Variants in CAMKK1 observed in about 807,000 individuals in gnomAD.
CAMKK1 encodes calcium/calmodulin-dependent protein kinase kinase 1.
CAMKK1 carries 20 observed loss-of-function variants against 63.5 expected under a neutral mutation model. The observed-to-expected ratio is 0.32, with a 90% CI of 0.22 to 0.46. The LOEUF (loss-of-function observed/expected upper bound fraction) is 0.46. Among genes scored for constraint, CAMKK1 ranks in the 20% least tolerant of loss-of-function variants. The probability of loss-of-function intolerance (pLI) is 1.00; values close to 1 mark genes in which losing one functional copy is unlikely to be tolerated. For synonymous variants in CAMKK1, 253 were observed against 269.0 expected, an observed-to-expected ratio of 0.94 and a Z score of 0.58; for missense variants, 588 against 658.1, an observed-to-expected ratio of 0.89 and a Z score of 1.17.
chr17:3,873,648 C>T (rs913903647), intron 10 of CAMKK1, among the ~76,000 whole-genome samples, 186 bp from the exon 11 acceptor site: 5 of 152,142 alleles, frequency 3.3e-5, no homozygotes, highest in Non-Finnish European at 7.4e-5. Flanking sequence ...ACAGGGGCGG[C>T]CAGAACAAGG....
chr17:3,871,354 T>G (rs1231728994), intron 12 of CAMKK1, among the ~76,000 whole-genome samples: 1,733 of 98,320 alleles, frequency 0.018, 20 homozygotes, highest in African/African-American at 0.062. Context: ...TTTGTTTTTT[T>G]TTTTTTTTTT....
chr17:3,882,456 T>G lies in CAMKK1; in HGVS notation c.685+72A>C. The stretch of plus-strand genomic sequence containing the variant: ...TGCATTTACACCGCCCACCTGAAGG[T>G]CATACATGTCCCAAGGGAGCCCTTG... On this transcript the variant is annotated intron_variant, in intron 7 of 15. Transcript: ENST00000348335. The surrounding 1 kb of genome is among the most constrained non-coding windows in gnomAD (Gnocchi z 4.3). 6.3e-7 allele frequency: 1 copy of G among 1,588,000 alleles called. No homozygotes were observed. Among genetic ancestry groups the G allele is most frequent in the Non-Finnish European group, 8.6e-7 (1 of 1,158,140 alleles).
chr17:3,880,608 T>C (rs774796201), intron 8 of CAMKK1, among the ~76,000 whole-genome samples, 174 bp from the exon 9 acceptor site: 9 of 152,246 alleles, frequency 5.9e-5, no homozygotes, highest in Non-Finnish European at 1.3e-4. Context: ...ACATATCCCA[T>C]TTCAATCATA....
chr17:3,884,521 G>C lies in CAMKK1; in HGVS notation c.361-94C>G. On this transcript the variant is annotated intron_variant, in intron 2 of 15. Coordinates refer to ENST00000348335, the MANE Select transcript of CAMKK1 (RefSeq NM_032294.3). The surrounding 1 kb of genome is among the most constrained non-coding windows in gnomAD (Gnocchi z 4.5). ...GTTCAGGGTCCAATTCTGGCCATAA[G>C]CTCCTCATTCCCGGACCCCCAGGTC... The C allele has an allele frequency of 8.2e-7, 1 of 1,212,556 alleles. No individual in the cohort carries two copies. The highest frequency in any genetic ancestry group is 1.4e-5 in the South Asian group (1 of 72,228). The allele number at this position is 1,212,556 out of a possible 1,614,324, so 75.1% of individuals were successfully genotyped here.
In CAMKK1 at chr17:3,890,398, C is replaced by A. The variant is rs1000433931; in HGVS notation, c.-44+2541G>T. ...GCCCACCCACGGAGGCTGATGGTCTCCAGGCCTCATCCTCTGCCCCTCCTC... is the reference window on the plus strand; with the variant it reads ...GCCCACCCACGGAGGCTGATGGTCTACAGGCCTCATCCTCTGCCCCTCCTC... On this transcript the variant is annotated intron_variant, in intron 1 of 15. Coordinates refer to ENST00000348335, the MANE Select transcript of CAMKK1 (RefSeq NM_032294.3). This position sits in a 1 kb window ranked among gnomAD's most constrained non-coding sequence, Gnocchi z 6.5. Among the ~76,000 whole-genome samples the A allele has an allele frequency of 3.9e-5, 6 of 152,158 alleles. No individual in the cohort carries two copies. The highest frequency in any genetic ancestry group is 4.1e-4 in the South Asian group (2 of 4,832).
chr17:3,869,464 A>G, intron 14 of CAMKK1, 23 bp downstream of exon 14: 1 of 1,613,876 alleles, frequency 6.2e-7, no homozygotes. Context: ...AGGACAAGGG[A>G]GCATCTACCC....
rs947221010 is a variant in CAMKK1 at position 3,889,015 on chromosome 17, G to A, written c.-43-3285C>T. On this transcript the variant is annotated intron_variant, in intron 1 of 15. Transcript: ENST00000348335. The surrounding 1 kb of genome is among the most constrained non-coding windows in gnomAD (Gnocchi z 5.2). ...TGTGTGTGCGCAGGTGTGTTTATGC[G>A]CCTGTGTGCCTGCAGGTCTCCGTGT... is the stretch of plus-strand genomic sequence containing the variant. Among the ~76,000 whole-genome samples the A allele has an allele frequency of 1.3e-5, 2 of 152,062 alleles. No homozygotes were observed. Among genetic ancestry groups the A allele is most frequent in the African/African-American group, 2.4e-5 (1 of 41,412 alleles).
intron 10 of CAMKK1, 81 bp from the exon 11 acceptor site, chr17:3,873,543 G>GCCTCT: frequency 6.7e-6 from 9 of 1,336,994 alleles, no homozygotes; most frequent in African/African-American, 1.4e-5. Context: ...TGCAGGAGAG[G>GCCTCT]CCTGCAGGGA....
chr17:3,886,074 G>A (rs1403446425), intron 1 of CAMKK1, among the ~76,000 whole-genome samples: 1 of 152,198 alleles, frequency 6.6e-6, no homozygotes, highest in Admixed American at 6.5e-5. Flanking sequence ...CAGAGCCCAG[G>A]GTCAGCTCAG....
At chr17:3,864,037 C>CCACCTCCCAGACTCAAGCA in intron 15 of CAMKK1, among the ~76,000 whole-genome samples, 1 of 151,944 alleles carries the variant, frequency 6.6e-6, no homozygotes, top group Non-Finnish European at 1.5e-5. Context: ...ACTGCAACCT[C>CCACCTCCCAGACTCAAGCA]CACCTCCCAG....
At position 3,889,888 on chromosome 17, in the gene CAMKK1, C is replaced by G. The variant is rs2055822495; in HGVS notation, c.-44+3051G>C. On this transcript the variant is annotated intron_variant, in intron 1 of 15. Coordinates refer to ENST00000348335, the MANE Select transcript of CAMKK1 (RefSeq NM_032294.3). This position sits in a 1 kb window ranked among gnomAD's most constrained non-coding sequence, Gnocchi z 5.2. ...GCCCCAGAGCAGGCAGACCCTGCTG[C>G]CATCCACGCGGGTTCAAGTAGCTCC... Among the ~76,000 whole-genome samples the G allele has an allele frequency of 6.6e-6, 1 of 152,236 alleles. No individual in the cohort carries two copies. The highest frequency in any genetic ancestry group is 2.4e-5 in the African/African-American group (1 of 41,460).
At chr17:3,871,722 T>C (rs1597456939) in intron 12 of CAMKK1, among the ~76,000 whole-genome samples, 1 of 149,298 alleles carries the variant, frequency 6.7e-6, no homozygotes, top group Admixed American at 6.7e-5. Flanking sequence ...CCAGGCTCAC[T>C]GCAACCTCTG....
Position 3,890,175 on chromosome 17 carries a change from C to A in CAMKK1, c.-44+2764G>T, listed in dbSNP as rs2055837839. Among the ~76,000 whole-genome samples, 1 of 152,202 alleles carries A rather than the reference C, an allele frequency of 6.6e-6. No homozygotes were observed. The highest frequency in any genetic ancestry group is 2.4e-5 in the African/African-American group (1 of 41,446). On this transcript the variant is annotated intron_variant, in intron 1 of 15. Coordinates refer to ENST00000348335, the MANE Select transcript of CAMKK1 (RefSeq NM_032294.3). This position sits in a 1 kb window ranked among gnomAD's most constrained non-coding sequence, Gnocchi z 6.5. ...CTGGCGAGTATCTGGATGGCCCTGGCAACGGGTGCCCTCCGCAGCTCCCGC... is the reference window on the plus strand; with the variant it reads ...CTGGCGAGTATCTGGATGGCCCTGGAAACGGGTGCCCTCCGCAGCTCCCGC...
At position 3,880,458 on chromosome 17, in the gene CAMKK1, G is replaced by A. The variant is rs368864344; in HGVS notation, c.708-24C>T. 2.0e-5 allele frequency: 32 copies of A among 1,599,154 alleles called. No individual in the cohort carries two copies. In the African/African-American group the frequency reaches 2.3e-4, roughly 11 times the overall value. The stretch of plus-strand genomic sequence containing the variant: ...GCCTATGGAGAAGGATGCGGGGAGG[G>A]GCATTCAGCTGAAATCAGGGCACCC... On this transcript the variant is annotated intron_variant, in intron 8 of 15. Coordinates refer to ENST00000348335, the MANE Select transcript of CAMKK1 (RefSeq NM_032294.3).
At chr17:3,866,083 C>T in intron 14 of CAMKK1, 72 bp from the exon 15 acceptor site, 1 of 1,561,692 alleles carries the variant, frequency 6.4e-7, no homozygotes. Context: ...CTCCGATTCC[C>T]CGAGAGCAGC....
At chr17:3,869,186 T>C (rs2054722391) in intron 14 of CAMKK1, among the ~76,000 whole-genome samples, 2 of 151,722 alleles carry the variant, frequency 1.3e-5, no homozygotes, top group Admixed American at 6.6e-5. Context: ...CTCGATCTCC[T>C]GACCTCGTGA....
intron 9 of CAMKK1, among the ~76,000 whole-genome samples, chr17:3,877,207 G>A (rs1190916583): frequency 6.6e-6 from 1 of 152,162 alleles, no homozygotes; most frequent in Non-Finnish European, 1.5e-5. Flanking sequence ...TAAGATTGTA[G>A]GGACTCTGCT....
chr17:3,883,439 A>T lies in CAMKK1; in HGVS notation c.504T>A (p.Tyr168Ter). The T allele has an allele frequency of 1.9e-6, 3 of 1,613,914 alleles. No individual in the cohort carries two copies. The highest frequency in any genetic ancestry group is 2.5e-6 in the Non-Finnish European group (3 of 1,179,770). Residue 168 changes from tyrosine to a stop codon, truncating the protein, a stop_gained, in exon 5 of 16, where the codon TAT (tyrosine) becomes TAA (stop). Coordinates refer to ENST00000348335, the MANE Select transcript of CAMKK1 (RefSeq NM_032294.3). LOFTEE classifies it high-confidence loss of function. This position sits in a 1 kb window ranked among gnomAD's most constrained non-coding sequence, Gnocchi z 4.7. ...TCAGAAGATACATACGTGGAAAGCC[A>T]TACTGCTTCAGTAACTTCTTTTTGG... Reference protein sequence around the residue: ...VLSKKKLLKQYGFPRRPPPRG... With the variant: ...VLSKKKLLKQ
At chr17:3,886,374 G>A (rs572794151) in intron 1 of CAMKK1, among the ~76,000 whole-genome samples, 2 of 152,284 alleles carry the variant, frequency 1.3e-5, no homozygotes, top group African/African-American at 4.8e-5. Flanking sequence ...GCTCACACTT[G>A]TAATCCCAGC....
Sources: allele counts gnomAD v4.1 joint callset (sites outside exome capture counted in the v4.1 genomes callset), GRCh38; gene constraint gnomAD v4.1.1; non-coding constraint Gnocchi (gnomAD v3.1); transcripts MANE v1.5; gene names NCBI Gene and HGNC (gene_info 2026-07-23, HGNC 2026-07-21).